Variants in TMTC1 observed in about 807,000 individuals in gnomAD.
TMTC1 encodes transmembrane O-mannosyltransferase targeting cadherins 1, also known as protein O-mannosyl-transferase TMTC1.
TMTC1 carries 73 observed loss-of-function variants against 104.8 expected under a neutral mutation model. The observed-to-expected ratio is 0.70, with a 90% CI of 0.58 to 0.85. TMTC1 has a LOEUF of 0.85. TMTC1 is among the 40% of genes least tolerant of loss of function. The pLI is 0.00. For synonymous variants in TMTC1, 434 were observed against 428.7 expected (o/e 1.01, Z -0.15); for missense variants, 1,035 against 1,096.1 (o/e 0.94, Z 0.79).
intron 10 of TMTC1, 141 bp from the exon 11 acceptor site, chr12:29,536,458 T>C: frequency 1.6e-6 from 1 of 626,602 alleles, no homozygotes; most frequent in Non-Finnish European, 2.8e-6. Context: ...TGAATTAAAC[T>C]ACATTGTCTC....
At position 29,603,365 on chromosome 12, in the gene TMTC1, T is replaced by C. The variant is rs1250533827; in HGVS notation, c.1250+813A>G. Among the ~76,000 whole-genome samples, 3 of 151,960 alleles carry C rather than the reference T, an allele frequency of 2.0e-5. No individual in the cohort carries two copies. The South Asian group carries it at 6.2e-4, about 32-fold the overall frequency. ...TTTATGATACTGCCTTTTAGGAAAG[T>C]TCATACTTATAGAAGAAGAATGAAC... On this transcript the variant is annotated intron_variant, in intron 7 of 17. Transcript: ENST00000539277.
At chr12:29,548,367 T>C (rs941745608) in intron 10 of TMTC1, among the ~76,000 whole-genome samples, 1 of 152,100 alleles carries the variant, frequency 6.6e-6, no homozygotes, top group African/African-American at 2.4e-5. Context: ...ATTGATATGG[T>C]TTGGCTGTGT....
intron 5 of TMTC1, among the ~76,000 whole-genome samples, chr12:29,732,023 T>C (rs1942556847): frequency 6.6e-6 from 1 of 152,214 alleles, no homozygotes; most frequent in African/African-American, 2.4e-5. Context: ...ATTAAATATT[T>C]ATTCCATATA....
At chr12:29,543,677 A>G (rs935356100) in intron 10 of TMTC1, among the ~76,000 whole-genome samples, 3 of 152,246 alleles carry the variant, frequency 2.0e-5, no homozygotes, top group Non-Finnish European at 2.9e-5. Flanking sequence ...TGTGAAAGTC[A>G]AATTGTAAAC....
intron 10 of TMTC1, among the ~76,000 whole-genome samples, chr12:29,553,276 C>T (rs913016543): frequency 2.0e-5 from 3 of 152,216 alleles, no homozygotes; most frequent in African/African-American, 4.8e-5. Context: ...GTTTCCTCAC[C>T]GGTAAAATGG....
At chr12:29,763,373 A>T (rs562453536) in intron 2 of TMTC1, among the ~76,000 whole-genome samples, 65 of 152,326 alleles carry the variant, frequency 4.3e-4, no homozygotes, top group African/African-American at 1.5e-3. Context: ...AGATATCTAA[A>T]AACAGGTGCT....
In TMTC1 at chr12:29,506,770, A is replaced by T; in HGVS notation, c.*76T>A. 6.4e-7 allele frequency: 1 copy of T among 1,558,918 alleles called. No homozygotes were observed. The highest frequency in any genetic ancestry group is 8.8e-7 in the Non-Finnish European group (1 of 1,133,212). On this transcript the variant is annotated 3_prime_UTR_variant, in exon 18 of 18. Coordinates refer to ENST00000539277, the MANE Select transcript of TMTC1 (RefSeq NM_001193451.2). The stretch of plus-strand genomic sequence containing the variant: ...AATCTCATTAGTTGTGCCCCTGCTG[A>T]TGTGAAAGCAAGGCTTCCATCACTC...
chr12:29,579,754 A>G (rs1945924809), intron 8 of TMTC1, among the ~76,000 whole-genome samples: 2 of 152,226 alleles, frequency 1.3e-5, no homozygotes, highest in Non-Finnish European at 2.9e-5. Context: ...TGATCCACCT[A>G]CCAGTTCAGC....
At chr12:29,664,223 T>TA (rs1271313966) in intron 5 of TMTC1, among the ~76,000 whole-genome samples, 5 of 147,130 alleles carry the variant, frequency 3.4e-5, no homozygotes, top group East Asian at 2.0e-4. Context: ...AATAAAAAAA[T>TA]AAAAAAAATA....
intron 2 of TMTC1, among the ~76,000 whole-genome samples, chr12:29,765,420 C>G (rs1224207936): frequency 6.6e-6 from 1 of 152,010 alleles, no homozygotes; most frequent in Non-Finnish European, 1.5e-5. Flanking sequence ...ACTTCATACC[C>G]TTTCTCCTTG....
intron 6 of TMTC1, among the ~76,000 whole-genome samples, chr12:29,627,429 T>C (rs1038086514): frequency 5.9e-5 from 9 of 152,166 alleles, no homozygotes; most frequent in Non-Finnish European, 1.0e-4. Flanking sequence ...CTCAGTAGGA[T>C]AGCTTTAATT....
At chr12:29,637,743 G>C (rs1156480307) in intron 5 of TMTC1, among the ~76,000 whole-genome samples, 4 of 152,162 alleles carry the variant, frequency 2.6e-5, no homozygotes, top group Non-Finnish European at 5.9e-5. Context: ...AAACCTATCT[G>C]GCTAAGAAAT....
At position 29,700,261 on chromosome 12, in the gene TMTC1, C is replaced by G. The variant is rs138383449; in HGVS notation, c.938+51405G>C. Reference sequence around the variant, plus strand: ...TTTGTTTTTTTTTTTGAGACAGAGTCTCACTCTGTCACCCAGGCTGGAGTG... The same window carrying G: ...TTTGTTTTTTTTTTTGAGACAGAGTGTCACTCTGTCACCCAGGCTGGAGTG... On this transcript the variant is annotated intron_variant, in intron 5 of 17. Coordinates refer to ENST00000539277, the MANE Select transcript of TMTC1 (RefSeq NM_001193451.2). 8.2e-3 allele frequency among the ~76,000 whole-genome samples: 1,209 copies of G among 146,658 alleles called. 20 individuals carry two copies. The highest frequency in any genetic ancestry group is 0.029 in the African/African-American group (1,152 of 39,578).
chr12:29,646,090 A>G (rs1163646527), intron 5 of TMTC1, among the ~76,000 whole-genome samples: 1 of 152,124 alleles, frequency 6.6e-6, no homozygotes, highest in Non-Finnish European at 1.5e-5. Context: ...TTCTTTATCA[A>G]TGTGGAGAGG....
intron 5 of TMTC1, among the ~76,000 whole-genome samples, chr12:29,666,957 T>C (rs1467415658): frequency 6.6e-6 from 1 of 152,288 alleles, no homozygotes; most frequent in South Asian, 2.1e-4. Flanking sequence ...CAAAAAAATG[T>C]TTTGGAATCA....
intron 5 of TMTC1, among the ~76,000 whole-genome samples, chr12:29,675,882 T>C (rs1940709679): frequency 6.6e-6 from 1 of 152,216 alleles, no homozygotes; most frequent in East Asian, 1.9e-4. Context: ...AGACAAGGGT[T>C]TAATAACCAT....
chr12:29,707,954 T>C (rs952089452), intron 5 of TMTC1, among the ~76,000 whole-genome samples: 1 of 152,198 alleles, frequency 6.6e-6, no homozygotes, highest in African/African-American at 2.4e-5. Flanking sequence ...CACTCAAATT[T>C]CTGGTGAATA....
At chr12:29,765,078 T>C (rs141002909) in intron 2 of TMTC1, among the ~76,000 whole-genome samples, 6 of 152,342 alleles carry the variant, frequency 3.9e-5, no homozygotes, top group South Asian at 4.1e-4. Context: ...TATGGTTTTA[T>C]AGTAAAACAT....
intron 5 of TMTC1, among the ~76,000 whole-genome samples, chr12:29,747,135 C>T (rs1315964417): frequency 6.6e-6 from 1 of 152,050 alleles, no homozygotes; most frequent in Admixed American, 6.6e-5. Context: ...AATGAGTATA[C>T]ATATATAGGT....
Sources: allele counts gnomAD v4.1 joint callset (sites outside exome capture counted in the v4.1 genomes callset), GRCh38; gene constraint gnomAD v4.1.1; transcripts MANE v1.5; gene names NCBI Gene and HGNC (gene_info 2026-07-23, HGNC 2026-07-21).